PIK3C2G: variants seen among roughly 807,000 people sequenced by gnomAD.
PIK3C2G encodes phosphatidylinositol-4-phosphate 3-kinase catalytic subunit type 2 gamma.
A neutral mutation model predicts 181.1 loss-of-function variants in PIK3C2G; 168 were observed. The ratio of observed to expected loss-of-function variants is 0.93; its 90% CI spans 0.82 to 1.05. The LOEUF (loss-of-function observed/expected upper bound fraction) is 1.05. PIK3C2G is among the 50% of genes least tolerant of loss of function. The pLI is 0.00. For synonymous variants in PIK3C2G, 573 were observed against 592.2 expected (o/e 0.97, Z 0.47); for missense variants, 1,869 against 1,732.8 (o/e 1.08, Z -1.40).
At chr12:18,367,361 A>G (rs1174508344) in intron 12 of PIK3C2G, among the ~76,000 whole-genome samples, 1 of 152,150 alleles carries the variant, frequency 6.6e-6, no homozygotes, top group Admixed American at 6.5e-5. Flanking sequence ...TTAGTTTTGG[A>G]TACCGAAATA....
At chr12:18,576,230 G>A (rs77287096) in intron 29 of PIK3C2G, among the ~76,000 whole-genome samples, 5,433 of 152,218 alleles carry the variant, frequency 0.036, 205 homozygotes, top group African/African-American at 0.094. Flanking sequence ...CCCACATGAA[G>A]GTCATGACAG....
At chr12:18,622,221 C>T (rs1272088120) in intron 31 of PIK3C2G, among the ~76,000 whole-genome samples, 1 of 151,842 alleles carries the variant, frequency 6.6e-6, no homozygotes, top group Admixed American at 6.6e-5. Flanking sequence ...ATTTCCCACA[C>T]CTCTAGCCTT....
chr12:18,654,917 A>G, the PIK3C2G span, among the ~76,000 whole-genome samples: 1 of 152,130 alleles, frequency 6.6e-6, no homozygotes, highest in Non-Finnish European at 1.5e-5. Flanking sequence ...GGGAAAGGAA[A>G]AAGAAAAAAG....
At chr12:18,608,270 C>T (rs1041716108) in intron 30 of PIK3C2G, among the ~76,000 whole-genome samples, 11 of 151,886 alleles carry the variant, frequency 7.2e-5, no homozygotes, top group Non-Finnish European at 8.8e-5. Flanking sequence ...ATGTTTATTG[C>T]GGCACTATTC....
intron 29 of PIK3C2G, among the ~76,000 whole-genome samples, chr12:18,593,980 AAAT>A (rs1440259772): frequency 5.3e-5 from 8 of 152,040 alleles, no homozygotes; most frequent in Non-Finnish European, 1.2e-4. Context: ...TTCTAGTTAT[AAAT>A]AATTTTACTA....
intron 20 of PIK3C2G, 68 bp from the exon 21 acceptor site, chr12:18,495,994 G>A: frequency 2.7e-6 from 2 of 751,544 alleles, no homozygotes; most frequent in Non-Finnish European, 4.2e-6. Flanking sequence ...TGGGGAAAAG[G>A]TTTGCTTTTT....
At chr12:18,693,594 T>G in the PIK3C2G span, 1 of 1,587,272 alleles carries the variant, frequency 6.3e-7, no homozygotes, top group Non-Finnish European at 8.7e-7. Flanking sequence ...TTGTTTCGAG[T>G]TGCTGAAGAA....
Position 18,626,202 on chromosome 12 carries a change from T to C in PIK3C2G, c.4183-14227T>C, listed in dbSNP as rs560884598. 1.7e-4 allele frequency among the ~76,000 whole-genome samples: 26 copies of C among 152,052 alleles called. 1 individual carries two copies. In the South Asian group the frequency reaches 5.2e-3, roughly 30 times the overall value. ...TGTTTTGTGCATTTTCTATAGATTTTTTCTCCTTGGTTACCCTGATGCTTA... is the reference window on the plus strand; with the variant it reads ...TGTTTTGTGCATTTTCTATAGATTTCTTCTCCTTGGTTACCCTGATGCTTA... On this transcript the variant is annotated intron_variant, in intron 31 of 32. Transcript: ENST00000538779.
intron 16 of PIK3C2G, among the ~76,000 whole-genome samples, chr12:18,420,508 T>C (rs981225046): frequency 1.3e-5 from 2 of 152,122 alleles, no homozygotes; most frequent in African/African-American, 4.8e-5. Context: ...AGATTTCTGG[T>C]TTGTGGTAAG....
At chr12:18,545,757 A>G (rs867150207) in intron 25 of PIK3C2G, among the ~76,000 whole-genome samples, 1 of 151,914 alleles carries the variant, frequency 6.6e-6, no homozygotes, top group Non-Finnish European at 1.5e-5. Context: ...ATAAAAGAAC[A>G]TAGGATTAAG....
intron 31 of PIK3C2G, among the ~76,000 whole-genome samples, chr12:18,640,054 A>G (rs1332086074): frequency 1.3e-5 from 2 of 151,892 alleles, no homozygotes; most frequent in Non-Finnish European, 2.9e-5. Context: ...TTTAATTTTC[A>G]AAAGTGGTGT....
chr12:18,496,899 G>C (rs1285895289), intron 21 of PIK3C2G, among the ~76,000 whole-genome samples: 1 of 152,010 alleles, frequency 6.6e-6, no homozygotes, highest in African/African-American at 2.4e-5. Flanking sequence ...TTTCATGAAG[G>C]GGAAAAAAGA....
chr12:18,646,000 C>T (rs1299174108), intron 32 of PIK3C2G, among the ~76,000 whole-genome samples: 1 of 152,012 alleles, frequency 6.6e-6, no homozygotes, highest in African/African-American at 2.4e-5. Flanking sequence ...TCAGACAGCT[C>T]AAAATACCCA....
At chr12:18,371,588 G>C (rs1190148158) in intron 13 of PIK3C2G, among the ~76,000 whole-genome samples, 1 of 152,042 alleles carries the variant, frequency 6.6e-6, no homozygotes, top group East Asian at 1.9e-4. Flanking sequence ...TTTCTGACCA[G>C]CTGGTTTCTT....
At chr12:18,679,061 C>T in the PIK3C2G span, among the ~76,000 whole-genome samples, 1 of 152,010 alleles carries the variant, frequency 6.6e-6, no homozygotes, top group African/African-American at 2.4e-5. Context: ...TGTTAAGTTG[C>T]CTTTCTCTGA....
intron 12 of PIK3C2G, among the ~76,000 whole-genome samples, chr12:18,366,131 T>C (rs1327656200): frequency 2.0e-5 from 3 of 152,222 alleles, no homozygotes; most frequent in African/African-American, 7.2e-5. Flanking sequence ...CATGTCATTC[T>C]TCTGTCTAAA....
intron 18 of PIK3C2G, among the ~76,000 whole-genome samples, chr12:18,475,373 A>AAC (rs57853875): frequency 0.044 from 6,114 of 139,594 alleles, 243 homozygotes; most frequent in African/African-American, 0.1. Flanking sequence ...CCACCACCCC[A>AAC]ACACACACAC....
chr12:18,500,132 C>A (rs997712372), intron 22 of PIK3C2G, among the ~76,000 whole-genome samples: 1 of 152,158 alleles, frequency 6.6e-6, no homozygotes, highest in Admixed American at 6.5e-5. Flanking sequence ...CCTCAGCTTG[C>A]GGGGAGTTAT....
chr12:18,679,107 T>C, the PIK3C2G span, among the ~76,000 whole-genome samples: 1 of 152,126 alleles, frequency 6.6e-6, no homozygotes, highest in African/African-American at 2.4e-5. Context: ...CATGTGCTTA[T>C]TAATCATTCA....
Sources: allele counts gnomAD v4.1 joint callset (sites outside exome capture counted in the v4.1 genomes callset), GRCh38; gene constraint gnomAD v4.1.1; transcripts MANE v1.5; gene names NCBI Gene and HGNC (gene_info 2026-07-23, HGNC 2026-07-21).